KPNA3: variants seen among roughly 807,000 people sequenced by gnomAD.
KPNA3 encodes the protein karyopherin subunit alpha 3.
In KPNA3, 13 loss-of-function variants were observed where a neutral mutation model predicts 73.8. The observed-to-expected ratio is 0.18, with a 90% CI of 0.11 to 0.28. The LOEUF (loss-of-function observed/expected upper bound fraction) is 0.28. Ranked by LOEUF, KPNA3 falls within the 10% of genes least tolerant of loss-of-function variation. The pLI is 1.00. For missense variants in KPNA3, 360 were observed against 618.1 expected (o/e 0.58, Z 4.43); for synonymous variants, 186 against 206.9 (o/e 0.90, Z 0.87).
intron 1 of KPNA3, among the ~76,000 whole-genome samples, chr13:49,764,402 C>T (rs995892260): frequency 3.3e-5 from 5 of 152,102 alleles, no homozygotes; most frequent in Admixed American, 2.6e-4. Flanking sequence ...GAAATCTTTC[C>T]AGGCTTTCCT....
intron 1 of KPNA3, among the ~76,000 whole-genome samples, chr13:49,768,902 T>C (rs1231154026): frequency 1.3e-5 from 2 of 152,194 alleles, no homozygotes; most frequent in African/African-American, 2.4e-5. Flanking sequence ...CTTGCTGTTC[T>C]GTTAGCCCAG....
In KPNA3 at chr13:49,787,667, C is replaced by T. The variant is rs112772496; in HGVS notation, c.69+4771G>A. On this transcript the variant is annotated intron_variant, in intron 1 of 16. Coordinates refer to ENST00000261667, the MANE Select transcript of KPNA3 (RefSeq NM_002267.4). ...GATTACAGGCATGAGCCACCAGGAC[C>T]GGCTAATTTTTGTATTTTTTTTTTT... is the stretch of plus-strand genomic sequence containing the variant. Among the ~76,000 whole-genome samples the T allele has an allele frequency of 5.3e-3, 786 of 149,190 alleles. 4 individuals are homozygous for T. Among genetic ancestry groups the T allele is most frequent in the Non-Finnish European group, 9.0e-3 (608 of 67,674 alleles).
chr13:49,717,864 C>A (rs1043620471), intron 10 of KPNA3, among the ~76,000 whole-genome samples: 1 of 152,222 alleles, frequency 6.6e-6, no homozygotes, highest in Non-Finnish European at 1.5e-5. Context: ...ACTTTGTCAA[C>A]GAAGCTTTCT....
intron 1 of KPNA3, among the ~76,000 whole-genome samples, chr13:49,758,334 A>T (rs563748191): frequency 6.6e-6 from 1 of 152,272 alleles, no homozygotes; most frequent in African/African-American, 2.4e-5. Context: ...AAAATAAAGA[A>T]ATGAACCTAA....
At chr13:49,745,758 T>G (rs1165714502) in intron 2 of KPNA3, among the ~76,000 whole-genome samples, 1 of 151,924 alleles carries the variant, frequency 6.6e-6, no homozygotes, top group African/African-American at 2.4e-5. Flanking sequence ...GTTTTAAATT[T>G]ATTTTTTAAA....
chr13:49,767,394 C>A (rs1315553752), intron 1 of KPNA3, among the ~76,000 whole-genome samples: 3 of 144,160 alleles, frequency 2.1e-5, no homozygotes, highest in East Asian at 2.1e-4. Flanking sequence ...AGCCTGGCGA[C>A]AGAGCCAAGA....
At chr13:49,750,141 G>A (rs1427057021) in intron 1 of KPNA3, among the ~76,000 whole-genome samples, 2 of 152,066 alleles carry the variant, frequency 1.3e-5, no homozygotes, top group East Asian at 3.8e-4. Flanking sequence ...TTGCCAACCG[G>A]GAAGCAAGTA....
chr13:49,727,081 T>C (rs1256327966), intron 6 of KPNA3, among the ~76,000 whole-genome samples: 1 of 152,062 alleles, frequency 6.6e-6, no homozygotes, highest in Non-Finnish European at 1.5e-5. Context: ...AAAATTAAGA[T>C]TAGACAAAGG....
intron 1 of KPNA3, among the ~76,000 whole-genome samples, chr13:49,757,691 TACACAC>T (rs111250503): frequency 1.3e-5 from 2 of 150,448 alleles, no homozygotes; most frequent in African/African-American, 2.4e-5. Flanking sequence ...AAAACTCATC[TACACAC>T]ACACACACAC....
intron 8 of KPNA3, 23 bp from the exon 9 acceptor site, chr13:49,722,147 TA>T (rs755662713): frequency 4.8e-6 from 7 of 1,456,242 alleles, no homozygotes; most frequent in South Asian, 3.1e-5. Flanking sequence ...AAATTATATT[TA>T]AAAAAAACTT....
rs1954612343 is a variant in KPNA3 at position 49,745,877 on chromosome 13, C to T, written c.114+1072G>A. Among the ~76,000 whole-genome samples the T allele has an allele frequency of 2.0e-5, 3 of 151,050 alleles. No individual in the cohort carries two copies. In the South Asian group the frequency reaches 6.3e-4, roughly 32 times the overall value. On this transcript the variant is annotated intron_variant, in intron 2 of 16. Transcript: ENST00000261667. ...AGGAGATCGAGACCATCCTGGCTAA[C>T]ACGGTGAAACCCCATCTCTACTAAA...
chr13:49,771,821 T>C (rs1475857291), intron 1 of KPNA3, among the ~76,000 whole-genome samples: 3 of 152,098 alleles, frequency 2.0e-5, no homozygotes, highest in Non-Finnish European at 4.4e-5. Context: ...ACCTAGCTAA[T>C]TTTGGTATTT....
rs114629389 is a variant in KPNA3 at position 49,764,448 on chromosome 13, C to G, written c.70-17455G>C. Reference sequence around the variant, plus strand: ...TGCACAAAAAGCTACTGCTCAAGCCCCCTTCCAAATCGTCCTTCCTCTCAG... The same window carrying G: ...TGCACAAAAAGCTACTGCTCAAGCCGCCTTCCAAATCGTCCTTCCTCTCAG... On this transcript the variant is annotated intron_variant, in intron 1 of 16. Transcript: ENST00000261667. 7.1e-3 allele frequency among the ~76,000 whole-genome samples: 1,084 copies of G among 152,178 alleles called. 7 individuals are homozygous for G. The highest frequency in any genetic ancestry group is 0.025 in the African/African-American group (1,021 of 41,504).
chr13:49,701,506 A>T lies in KPNA3; in HGVS notation c.*294T>A, dbSNP rs1954147422. ...CACCACTATGGAATATTTATTCTAAACTGGAGACTGCAGTTGTCAGCCTGT... is the reference window on the plus strand; with the variant it reads ...CACCACTATGGAATATTTATTCTAATCTGGAGACTGCAGTTGTCAGCCTGT... On this transcript the variant is annotated 3_prime_UTR_variant, in exon 17 of 17. Coordinates refer to ENST00000261667, the MANE Select transcript of KPNA3 (RefSeq NM_002267.4). The T allele has an allele frequency of 2.0e-6, 1 of 511,256 alleles. No individual in the cohort carries two copies. The highest frequency in any genetic ancestry group is 1.5e-5 in the South Asian group (1 of 64,976). The allele number at this position is 511,256 out of a possible 1,614,324, so 31.7% of individuals were successfully genotyped here.
chr13:49,757,961 C>A (rs1195546445), intron 1 of KPNA3, among the ~76,000 whole-genome samples: 1 of 152,086 alleles, frequency 6.6e-6, no homozygotes, highest in Non-Finnish European at 1.5e-5. Flanking sequence ...TATTTTACAA[C>A]TGCATGTCAA....
chr13:49,702,549 T>G, intron 15 of KPNA3, 69 bp from the exon 16 acceptor site: 1 of 751,114 alleles, frequency 1.3e-6, no homozygotes. Flanking sequence ...ACCACACTCA[T>G]TTTAATCATG....
intron 7 of KPNA3, among the ~76,000 whole-genome samples, chr13:49,724,042 CTG>C (rs926366990): frequency 1.3e-5 from 2 of 152,076 alleles, no homozygotes; most frequent in African/African-American, 4.8e-5. Flanking sequence ...TGAAATCATA[CTG>C]TGTTTTTTGG....
At chr13:49,757,887 G>C (rs1954725185) in intron 1 of KPNA3, among the ~76,000 whole-genome samples, 1 of 152,132 alleles carries the variant, frequency 6.6e-6, no homozygotes, top group Non-Finnish European at 1.5e-5. Context: ...AATACTGTAC[G>C]AGCATCTTGC....
At chr13:49,770,890 T>C (rs990839016) in intron 1 of KPNA3, among the ~76,000 whole-genome samples, 24 of 150,926 alleles carry the variant, frequency 1.6e-4, no homozygotes, top group Non-Finnish European at 3.1e-4. Flanking sequence ...CTGGTAAATG[T>C]GAAAGTTTCT....
Sources: gnomAD v4.1 joint callset for allele counts (sites outside exome capture counted in the v4.1 genomes callset) on GRCh38, gnomAD v4.1.1 for gene constraint, MANE v1.5 for transcripts, NCBI Gene and HGNC (gene_info 2026-07-23, HGNC 2026-07-21) for gene names.